The following ANKRD17 variants were observed in gnomAD, a reference collection of about 807,000 sequenced individuals.
ANKRD17 encodes ankyrin repeat domain 17.
A neutral mutation model predicts 229.7 loss-of-function variants in ANKRD17; 19 were observed. The ratio of observed to expected loss-of-function variants is 0.08; its 90% CI spans 0.06 to 0.12. The LOEUF (loss-of-function observed/expected upper bound fraction) is 0.12. Among genes scored for constraint, ANKRD17 ranks in the 10% least tolerant of loss-of-function variants. The probability of loss-of-function intolerance (pLI) is 1.00; values close to 1 mark genes in which losing one functional copy is unlikely to be tolerated. For missense variants in ANKRD17, 2,176 were observed against 3,176.8 expected (o/e 0.68, Z 7.57); for synonymous variants, 1,112 against 1,146.1 (o/e 0.97, Z 0.60).
chr4:73,251,469 G>C (rs1248848332), intron 1 of ANKRD17, among the ~76,000 whole-genome samples: 2 of 151,958 alleles, frequency 1.3e-5, no homozygotes, highest in Non-Finnish European at 2.9e-5. Context: ...AAGATTCAAG[G>C]GACTAGAAGG....
intron 1 of ANKRD17, among the ~76,000 whole-genome samples, chr4:73,199,903 G>C (rs1738421898): frequency 6.6e-6 from 1 of 152,128 alleles, no homozygotes; most frequent in Non-Finnish European, 1.5e-5. Context: ...AATGCTAAAA[G>C]TGCTCTTATT....
intron 1 of ANKRD17, among the ~76,000 whole-genome samples, chr4:73,255,113 G>A (rs541324654): frequency 1.3e-5 from 2 of 152,154 alleles, no homozygotes; most frequent in Non-Finnish European, 2.9e-5. Context: ...AGGTATACCC[G>A]AAGTTATGCA....
chr4:73,161,078 A>T, intron 3 of ANKRD17, 114 bp downstream of exon 3: 1 of 1,276,188 alleles, frequency 7.8e-7, no homozygotes, highest in Non-Finnish European at 1.1e-6. Flanking sequence ...ATCACATGTT[A>T]AGTGGTTAGC....
intron 16 of ANKRD17, among the ~76,000 whole-genome samples, chr4:73,125,627 G>T (rs970610618): frequency 1.3e-5 from 2 of 151,680 alleles, no homozygotes; most frequent in Non-Finnish European, 2.9e-5. Flanking sequence ...CAGCTTCTTC[G>T]GAGGCTGAGG....
At chr4:73,085,182 T>C (rs1030559579) in intron 30 of ANKRD17, 67 bp downstream of exon 30, 2 of 1,519,948 alleles carry the variant, frequency 1.3e-6, no homozygotes, top group African/African-American at 2.8e-5. Flanking sequence ...TATGATGAGG[T>C]TTGAAACCTG....
intron 25 of ANKRD17, chr4:73,101,083 G>A: frequency 1.2e-6 from 1 of 848,438 alleles, no homozygotes; most frequent in Non-Finnish European, 1.4e-6. Flanking sequence ...ATGGGAGAAT[G>A]TGCATAATTT....
intron 1 of ANKRD17, among the ~76,000 whole-genome samples, chr4:73,227,542 G>T (rs759147504): frequency 1.4e-4 from 21 of 152,060 alleles, no homozygotes; most frequent in Middle Eastern, 3.2e-3. Context: ...TTTGCCAACA[G>T]AAGTATTAAA....
intron 11 of ANKRD17, among the ~76,000 whole-genome samples, chr4:73,143,743 A>C (rs1729892141): frequency 6.6e-6 from 1 of 152,010 alleles, no homozygotes; most frequent in African/African-American, 2.4e-5. Flanking sequence ...TATGGCCTAC[A>C]TCTTTTTTTT....
intron 6 of ANKRD17, 104 bp from the exon 7 acceptor site, chr4:73,151,628 A>G (rs1560603323): frequency 1.2e-6 from 1 of 843,420 alleles, no homozygotes; most frequent in Non-Finnish European, 1.7e-6. Flanking sequence ...ACAGCATTAA[A>G]TTTATAAGCA....
rs763734655 is a variant in ANKRD17, at chr4:73,147,448, TA to T, written c.1568-17del. The T allele has an allele frequency of 2.0e-6, 3 of 1,500,724 alleles. No homozygotes were observed. The highest frequency in any genetic ancestry group is 2.7e-6 in the Non-Finnish European group (3 of 1,124,154). The allele number at this position is 1,500,724 out of a possible 1,614,324, so 93.0% of individuals were successfully genotyped here. ...ATATTTGCTCCTAAAATAAAGATTC[TA>T]ATTATTTAAAGAAAGTCATTAACTT... On this transcript the variant is annotated splice_polypyrimidine_tract_variant and intron_variant, in intron 8 of 33. Coordinates refer to ENST00000358602, the MANE Select transcript of ANKRD17 (RefSeq NM_032217.5).
In ANKRD17 at chr4:73,115,801, T is replaced by C. The variant is rs375796130; in HGVS notation, c.4284+20A>G. ...TTAACCGAATAGAGTCCCTTGCTCA[T>C]ATAGTGAACAACATATTACCTTATC... On this transcript the variant is annotated intron_variant, in intron 23 of 33. Transcript: ENST00000358602. 2.8e-5 allele frequency: 44 copies of C among 1,577,406 alleles called. No individual in the cohort carries two copies. In the Middle Eastern group the frequency reaches 8.4e-4, roughly 30 times the overall value.
intron 1 of ANKRD17, among the ~76,000 whole-genome samples, chr4:73,190,595 G>A (rs536978784): frequency 6.7e-6 from 1 of 148,246 alleles, no homozygotes; most frequent in Non-Finnish European, 1.5e-5. Context: ...CTGTAAGGGT[G>A]TAAACACATA....
In ANKRD17 at chr4:73,121,718, G is replaced by A. The variant is rs1364354862; in HGVS notation, c.3534C>T (p.His1178=). The change falls in exon 19 of 34, where the codon CAC becomes CAT. Residue 1178 remains histidine (H), a synonymous_variant. Coordinates refer to ENST00000358602, the MANE Select transcript of ANKRD17 (RefSeq NM_032217.5). ...LLLARGANKE[H]RNVSDYTPLS... is the part of the protein sequence containing the mutation. ...GAGGTGTGTAATCAGAAACATTCCTGTGCTCTTTATTTGCCCCTCGAGCTA... is the reference window on the plus strand; with the variant it reads ...GAGGTGTGTAATCAGAAACATTCCTATGCTCTTTATTTGCCCCTCGAGCTA... 1.2e-6 allele frequency: 2 copies of A among 1,612,396 alleles called. No homozygotes were observed. The highest frequency in any genetic ancestry group is 1.7e-6 in the Non-Finnish European group (2 of 1,179,362).
chr4:73,160,151 A>T (rs28373296), intron 3 of ANKRD17, among the ~76,000 whole-genome samples: 33,915 of 151,190 alleles, frequency 0.22, 5,067 homozygotes, highest in African/African-American at 0.42. Flanking sequence ...AAATGGTAAC[A>T]TGTATTAATG....
At chr4:73,078,516 C>T in intron 31 of ANKRD17, 126 bp downstream of exon 31, 1 of 1,175,198 alleles carries the variant, frequency 8.5e-7, no homozygotes, top group Non-Finnish European at 1.2e-6. Context: ...CCAGCCTGAG[C>T]AACAAGTGAA....
chr4:73,241,998 G>C (rs1322126973), intron 1 of ANKRD17, among the ~76,000 whole-genome samples: 2 of 152,122 alleles, frequency 1.3e-5, no homozygotes, highest in Non-Finnish European at 2.9e-5. Flanking sequence ...TTAAGAAAAA[G>C]TGATGTACCC....
chr4:73,094,223 T>C lies in ANKRD17; in HGVS notation c.5183A>G (p.Lys1728Arg), dbSNP rs1315331550. ...EGWKEVVRRS[K>R]KVSVPSTVIS... ...CACAGTTGATGGAACAGATACTTTC[T>C]TTGACCTGTTTAAAAGTTGTATATA... Residue 1728 changes from lysine to arginine, a missense_variant, in exon 28 of 34, where the codon AAG becomes AGG. Coordinates refer to ENST00000358602, the MANE Select transcript of ANKRD17 (RefSeq NM_032217.5). The C allele has an allele frequency of 6.2e-7, 1 of 1,612,688 alleles. No homozygotes were observed. Among genetic ancestry groups the C allele is most frequent in the Non-Finnish European group, 8.5e-7 (1 of 1,179,112 alleles).
intron 16 of ANKRD17, among the ~76,000 whole-genome samples, chr4:73,133,973 T>C (rs138298769): frequency 8.5e-5 from 13 of 152,334 alleles, no homozygotes; most frequent in Admixed American, 3.9e-4. Context: ...GGGAGATGGA[T>C]ATTAAGAGTA....
At chr4:73,227,279 G>A (rs28571714) in intron 1 of ANKRD17, among the ~76,000 whole-genome samples, 7 of 151,836 alleles carry the variant, frequency 4.6e-5, no homozygotes, top group Admixed American at 6.6e-5. Flanking sequence ...TCAGCCTCCC[G>A]AGTAGCTGGG....
Sources: allele counts gnomAD v4.1 joint callset (sites outside exome capture counted in the v4.1 genomes callset), GRCh38; gene constraint gnomAD v4.1.1; transcripts MANE v1.5; gene names NCBI Gene and HGNC (gene_info 2026-07-23, HGNC 2026-07-21).